PLEKHA7: variants seen among roughly 807,000 people sequenced by gnomAD.
The protein encoded by PLEKHA7 is pleckstrin homology domain-containing family A member 7.
Under a neutral mutation model 170.0 loss-of-function variants are expected in PLEKHA7, and 104 were observed. That is an observed-to-expected ratio of 0.61 (90% CI 0.52 to 0.72). PLEKHA7 has a LOEUF of 0.72. PLEKHA7 is among the 30% of genes least tolerant of loss of function. The pLI, the probability that PLEKHA7 is intolerant of heterozygous loss-of-function variation, is 0.00. For missense variants in PLEKHA7, 1,615 were observed against 1,671.7 expected (o/e 0.97, Z 0.59); for synonymous variants, 648 against 660.8 (o/e 0.98, Z 0.30).
rs377138227 is a variant in PLEKHA7 at position 16,790,852 on chromosome 11, G to A, written c.2998C>T (p.Pro1000Ser). 1 of 1,610,400 alleles carries A rather than the reference G, an allele frequency of 6.2e-7. No individual in the cohort carries two copies. The highest frequency in any genetic ancestry group is 1.1e-5 in the South Asian group (1 of 90,474). ...LATLSGDMAQ[P>S]SLGLVGPESR... is the part of the protein sequence containing the mutation. ...TCAGGGCCCACAAGTCCTAGGGAGG[G>A]CTGGGCCATGTCCCCGCTGAGGGTC... Residue 1000 changes from proline to serine, a missense_variant, in exon 21 of 27, where the codon CCC (proline) becomes TCC (serine). Coordinates refer to ENST00000531066, the MANE Select transcript of PLEKHA7 (RefSeq NM_001329630.2).
intron 3 of PLEKHA7, among the ~76,000 whole-genome samples, chr11:16,905,004 G>A (rs1256658378): frequency 6.6e-6 from 1 of 152,148 alleles, no homozygotes; most frequent in Non-Finnish European, 1.5e-5. Flanking sequence ...TGTAATCTCA[G>A]CACTTTGGAA....
chr11:16,859,726 C>T (rs924781719), intron 4 of PLEKHA7, among the ~76,000 whole-genome samples: 11 of 152,180 alleles, frequency 7.2e-5, no homozygotes, highest in Non-Finnish European at 1.5e-4. Flanking sequence ...ACCTAAGAAC[C>T]GAGTCTCATC....
intron 3 of PLEKHA7, among the ~76,000 whole-genome samples, chr11:16,966,304 G>A (rs1291209512): frequency 1.3e-5 from 2 of 149,126 alleles, no homozygotes; most frequent in South Asian, 2.1e-4. Flanking sequence ...GTGTGTGTGT[G>A]TGTGTGTGTG....
chr11:16,999,375 A>G (rs1328833022), intron 3 of PLEKHA7, among the ~76,000 whole-genome samples: 1 of 151,964 alleles, frequency 6.6e-6, no homozygotes, highest in Non-Finnish European at 1.5e-5. Context: ...ACGGGGTTCC[A>G]AGATGTGGAG....
chr11:16,960,603 C>G (rs1228953009), intron 3 of PLEKHA7, among the ~76,000 whole-genome samples: 1 of 152,152 alleles, frequency 6.6e-6, no homozygotes, highest in Non-Finnish European at 1.5e-5. Context: ...ACAGAGTCCC[C>G]TGCAACAGTA....
chr11:16,801,820 G>A lies in PLEKHA7; in HGVS notation c.2158-3C>T. ...TCCAGCACAGATTCTAGCTGGTCCT[G>A]CACCACGAAGGGCCAAAAAACAGCA... On this transcript the variant is annotated splice_polypyrimidine_tract_variant and splice_region_variant and intron_variant, in intron 15 of 26. Transcript: ENST00000531066. 6.2e-7 allele frequency: 1 copy of A among 1,613,930 alleles called. No homozygotes were observed. The highest frequency in any genetic ancestry group is 8.5e-7 in the Non-Finnish European group (1 of 1,180,004).
intron 23 of PLEKHA7, chr11:16,788,011 A>G (rs1026953301): frequency 6.6e-6 from 1 of 152,348 alleles, no homozygotes; most frequent in Non-Finnish European, 1.5e-5. Flanking sequence ...TGATTGGACT[A>G]CAGGAATTAA....
At chr11:16,986,719 G>A (rs993334550) in intron 3 of PLEKHA7, among the ~76,000 whole-genome samples, 5 of 152,128 alleles carry the variant, frequency 3.3e-5, no homozygotes, top group African/African-American at 9.7e-5. Context: ...TGACTTCACC[G>A]CTGGGGCTCA....
At chr11:16,872,864 A>G (rs981242507) in intron 3 of PLEKHA7, among the ~76,000 whole-genome samples, 3 of 152,014 alleles carry the variant, frequency 2.0e-5, no homozygotes, top group Non-Finnish European at 4.4e-5. Flanking sequence ...CCCATGTGCT[A>G]GGCACTCCTT....
chr11:16,872,774 T>A (rs1854964843), intron 3 of PLEKHA7, among the ~76,000 whole-genome samples: 1 of 151,548 alleles, frequency 6.6e-6, no homozygotes, highest in Admixed American at 6.6e-5. Flanking sequence ...CAGGCTTACC[T>A]CCCAAAGCGT....
chr11:16,930,773 C>A (rs1859868377), intron 3 of PLEKHA7, among the ~76,000 whole-genome samples: 1 of 152,170 alleles, frequency 6.6e-6, no homozygotes, highest in African/African-American at 2.4e-5. Context: ...GAATTTTGAT[C>A]ATTCCAGAAT....
chr11:16,901,171 A>G (rs1565092534), intron 3 of PLEKHA7, among the ~76,000 whole-genome samples: 4 of 152,184 alleles, frequency 2.6e-5, no homozygotes, highest in Admixed American at 6.6e-5. Flanking sequence ...GTATGACCCA[A>G]TGGGATACAT....
At position 16,852,369 on chromosome 11, in the gene PLEKHA7, A is replaced by C; in HGVS notation, c.523-14T>G. The C allele has an allele frequency of 6.2e-7, 1 of 1,613,108 alleles. No individual in the cohort carries two copies. The highest frequency in any genetic ancestry group is 8.5e-7 in the Non-Finnish European group (1 of 1,179,380). ...CCCAGAACTGTCCTGCAAAGCAAAG[A>C]AAACTAGTCAGGGTAATATCTGAGC... On this transcript the variant is annotated splice_polypyrimidine_tract_variant and intron_variant, in intron 6 of 26. Transcript: ENST00000531066.
intron 3 of PLEKHA7, among the ~76,000 whole-genome samples, chr11:16,951,412 G>A (rs776665300): frequency 2.0e-5 from 3 of 152,186 alleles, no homozygotes; most frequent in Admixed American, 6.5e-5. Flanking sequence ...ATTCTACCAA[G>A]CACTTACCAC....
Position 17,014,015 on chromosome 11 carries a change from C to T in PLEKHA7, c.195G>A (p.Thr65=). ...CGATGAAGTAGCTGGCGCCCTCCTC[C>T]GTGAAGCCCTCCTCCCAGCCGCGGG... is the stretch of plus-strand genomic sequence containing the variant. The part of the protein sequence containing the change: ...DLPRGWEEGF[T]EEGASYFIDH... Residue 65 remains threonine, a synonymous_variant, in exon 3 of 27, where the codon ACG becomes ACA. Transcript: ENST00000531066. The T allele has an allele frequency of 6.5e-7, 1 of 1,550,134 alleles. No homozygotes were observed. Among genetic ancestry groups the T allele is most frequent in the Non-Finnish European group, 8.7e-7 (1 of 1,147,566 alleles).
At chr11:16,787,016 A>G in intron 23 of PLEKHA7, 1 of 985,130 alleles carries the variant, frequency 1.0e-6, no homozygotes, top group Non-Finnish European at 1.2e-6. Flanking sequence ...AAACTAAATC[A>G]TATAAAATTG....
intron 3 of PLEKHA7, among the ~76,000 whole-genome samples, chr11:16,946,179 CTGCTAGAGACCTAAAGG>C: frequency 6.6e-6 from 1 of 152,358 alleles, no homozygotes; most frequent in African/African-American, 2.4e-5. Flanking sequence ...TGGGCTCTTC[CTGCTAGAGACCTAAAGG>C]TGGGCAATGC....
At position 16,847,097 on chromosome 11, in the gene PLEKHA7, T is replaced by C. The variant is rs913436709; in HGVS notation, c.696+4094A>G. 3.3e-4 allele frequency among the ~76,000 whole-genome samples: 42 copies of C among 127,962 alleles called. 1 individual carries two copies. In the South Asian group the frequency reaches 7.4e-3, roughly 23 times the overall value. The allele number at this position is 127,962 out of a possible 152,430, so 83.9% of individuals were successfully genotyped here. Reference sequence around the variant, plus strand: ...GCTGAAGTTTTTTTTTTTCTTTTTTTTTTTTTTTTTTTTTTTTGAGACGGA... The same window carrying C: ...GCTGAAGTTTTTTTTTTTCTTTTTTCTTTTTTTTTTTTTTTTTGAGACGGA... On this transcript the variant is annotated intron_variant, in intron 8 of 26. Transcript: ENST00000531066.
chr11:16,937,437 C>T (rs1025025621), intron 3 of PLEKHA7, among the ~76,000 whole-genome samples: 5 of 152,042 alleles, frequency 3.3e-5, no homozygotes, highest in South Asian at 2.1e-4. Context: ...GAGAGGTATA[C>T]GACCATCTGT....
Sources: gnomAD v4.1 joint callset for allele counts (sites outside exome capture counted in the v4.1 genomes callset) on GRCh38, gnomAD v4.1.1 for gene constraint, MANE v1.5 for transcripts, NCBI Gene and HGNC (gene_info 2026-07-23, HGNC 2026-07-21) for gene names.